RANBP2: variants seen among roughly 807,000 people sequenced by gnomAD.
RANBP2 encodes RAN binding protein 2.
In RANBP2, 57 loss-of-function variants were observed where a neutral mutation model predicts 303.6. The ratio of observed to expected loss-of-function variants is 0.19; its 90% confidence interval spans 0.15 to 0.23. RANBP2 has a LOEUF of 0.23. Among genes scored for constraint, RANBP2 ranks in the 10% least tolerant of loss-of-function variants. The pLI, the probability that RANBP2 is intolerant of heterozygous loss-of-function variation, is 1.00. For synonymous variants in RANBP2, 1,167 were observed against 1,301.5 expected, an observed-to-expected ratio of 0.90 and a Z score of 2.23; for missense variants, 3,138 against 3,780.8, an observed-to-expected ratio of 0.83 and a Z score of 4.46.
the RANBP2 span, among the ~76,000 whole-genome samples, chr2:109,055,140 G>C: frequency 3.3e-5 from 5 of 152,048 alleles, no homozygotes; most frequent in African/African-American, 4.8e-5. Flanking sequence ...GCATTTTCAC[G>C]ATGACTAATG....
At chr2:109,249,532 T>TTTCTTCTTTCTTTCTTTCCTTCC in the RANBP2 span, among the ~76,000 whole-genome samples, 1 of 96,450 alleles carries the variant, frequency 1.0e-5, no homozygotes, top group Non-Finnish European at 2.0e-5. Flanking sequence ...TCTTTCTTTC[T>TTTCTTCTTTCTTTCTTTCCTTCC]TTCCTTCCTT....
At chr2:109,243,129 A>G in the RANBP2 span, among the ~76,000 whole-genome samples, 1,626 of 152,336 alleles carry the variant, frequency 0.011, 35 homozygotes, top group African/African-American at 0.037. Context: ...CAGGCAGACA[A>G]TTGGGAGCAG....
At chr2:109,520,077 G>T in the RANBP2 span, among the ~76,000 whole-genome samples, 1 of 152,324 alleles carries the variant, frequency 6.6e-6, no homozygotes, top group South Asian at 2.1e-4. Context: ...AAGGCCAATG[G>T]ATCGTACAAG....
At chr2:108,891,550 A>G in the RANBP2 span, among the ~76,000 whole-genome samples, 2 of 152,208 alleles carry the variant, frequency 1.3e-5, no homozygotes, top group Non-Finnish European at 2.9e-5. Context: ...TTCAGGCCCT[A>G]GTGATGACAG....
chr2:109,129,989 CGGGCGGCGG>C, the RANBP2 span: 2 of 1,296,930 alleles, frequency 1.5e-6, no homozygotes, highest in Non-Finnish European at 9.7e-7. Context: ...CCCACGCTCG[CGGGCGGCGG>C]GGGCGGCGCG....
At chr2:109,467,739 C>A in the RANBP2 span, among the ~76,000 whole-genome samples, 1 of 152,220 alleles carries the variant, frequency 6.6e-6, no homozygotes, top group African/African-American at 2.4e-5. Flanking sequence ...TGAAGCAGCT[C>A]CTCTCTGATT....
the RANBP2 span, among the ~76,000 whole-genome samples, chr2:109,138,043 T>C: frequency 3.9e-5 from 6 of 152,178 alleles, no homozygotes; most frequent in African/African-American, 9.7e-5. Context: ...TTTGAGACAG[T>C]CTTGCTCTGT....
the RANBP2 span, among the ~76,000 whole-genome samples, chr2:109,210,002 T>C: frequency 6.6e-6 from 1 of 152,234 alleles, no homozygotes; most frequent in Admixed American, 6.5e-5. Flanking sequence ...GTAACCTCTG[T>C]TATACTTTCT....
chr2:109,262,028 G>A, the RANBP2 span, among the ~76,000 whole-genome samples: 13 of 152,176 alleles, frequency 8.5e-5, no homozygotes, highest in African/African-American at 3.1e-4. Context: ...TAGAGCAGGA[G>A]ACAGGTCGGT....
At chr2:109,676,606 T>C in the RANBP2 span, among the ~76,000 whole-genome samples, 2 of 152,150 alleles carry the variant, frequency 1.3e-5, no homozygotes, top group Non-Finnish European at 2.9e-5. Context: ...GCTGGGAAAC[T>C]TGCTGAAGGA....
chr2:109,065,582 A>C, the RANBP2 span, among the ~76,000 whole-genome samples: 17 of 152,166 alleles, frequency 1.1e-4, no homozygotes, highest in South Asian at 4.1e-4. Context: ...AGGGTCAAAC[A>C]CTGGTGGCAC....
At chr2:109,612,275 G>C in the RANBP2 span, among the ~76,000 whole-genome samples, 1 of 152,188 alleles carries the variant, frequency 6.6e-6, no homozygotes, top group Non-Finnish European at 1.5e-5. Context: ...GAATAAAAAC[G>C]AATCACTGAT....
chr2:108,800,830 A>C, the RANBP2 span, among the ~76,000 whole-genome samples: 1 of 103,898 alleles, frequency 9.6e-6, no homozygotes. Context: ...TCCTGTGTCC[A>C]TGTGATCTCA....
At chr2:109,718,076 C>T in the RANBP2 span, among the ~76,000 whole-genome samples, 1 of 152,118 alleles carries the variant, frequency 6.6e-6, no homozygotes, top group Non-Finnish European at 1.5e-5. Flanking sequence ...AAATAATAGG[C>T]ATTGGCAGGA....
chr2:109,577,640 T>C, the RANBP2 span, among the ~76,000 whole-genome samples: 1 of 148,526 alleles, frequency 6.7e-6, no homozygotes, highest in African/African-American at 2.5e-5. Flanking sequence ...CTCGGTCGGA[T>C]AGTGGCTCAC....
At chr2:108,732,724 A>G (rs1695267719) in intron 4 of RANBP2, among the ~76,000 whole-genome samples, 1 of 152,212 alleles carries the variant, frequency 6.6e-6, no homozygotes, top group Non-Finnish European at 1.5e-5. Flanking sequence ...TCTCTTCACT[A>G]TGCCTGACCT....
chr2:109,485,520 A>G, the RANBP2 span, among the ~76,000 whole-genome samples: 1 of 152,256 alleles, frequency 6.6e-6, no homozygotes, highest in East Asian at 1.9e-4. Flanking sequence ...TAAACAGTTA[A>G]GGCCCCTAGA....
chr2:109,484,254 A>G, the RANBP2 span, among the ~76,000 whole-genome samples: 2 of 152,016 alleles, frequency 1.3e-5, no homozygotes, highest in African/African-American at 2.4e-5. Context: ...TTTGGTAGAG[A>G]TGGGGTTTCA....
chr2:109,607,826 G>A, the RANBP2 span, among the ~76,000 whole-genome samples: 1 of 152,070 alleles, frequency 6.6e-6, no homozygotes, highest in Non-Finnish European at 1.5e-5. Context: ...TGATTCCCAG[G>A]ATCTCCCTAG....
Sources: gnomAD v4.1 joint callset for allele counts (sites outside exome capture counted in the v4.1 genomes callset) on GRCh38, gnomAD v4.1.1 for gene constraint, MANE v1.5 for transcripts, NCBI Gene and HGNC (gene_info 2026-07-23, HGNC 2026-07-21) for gene names.